The following HMG20A variants were observed in gnomAD, a reference collection of about 807,000 sequenced individuals.
HMG20A encodes high mobility group protein 20A.
In HMG20A, 17 loss-of-function variants were observed where a neutral mutation model predicts 43.9. That is an observed-to-expected ratio of 0.39 (90% CI 0.27 to 0.58). The LOEUF (loss-of-function observed/expected upper bound fraction) is 0.58. Among genes scored for constraint, HMG20A ranks in the 20% least tolerant of loss-of-function variants. HMG20A has a pLI of 0.59. For missense variants in HMG20A, 341 were observed against 438.2 expected, an observed-to-expected ratio of 0.78 and a Z score of 1.98; for synonymous variants, 132 against 147.5, an observed-to-expected ratio of 0.89 and a Z score of 0.76.
chr15:77,490,520 AAAG>A (rs987023485), downstream of HMG20A, among the ~76,000 whole-genome samples: 4 of 152,164 alleles, frequency 2.6e-5, no homozygotes. Context: ...AATGAAAGAA[AAAG>A]AAGAATGACT....
intron 9 of HMG20A, among the ~76,000 whole-genome samples, chr15:77,480,845 A>G (rs1407065801): frequency 2.0e-5 from 3 of 151,752 alleles, no homozygotes; most frequent in Admixed American, 6.6e-5. Flanking sequence ...TTACTATGCC[A>G]TCCCACAAAA....
chr15:77,474,450 A>C lies in HMG20A; in HGVS notation c.615+2636A>C, dbSNP rs545245960. On this transcript the variant is annotated intron_variant, in intron 6 of 9. Transcript: ENST00000336216. ...AGAATCACTTACTGAATTAAATTAGAGGCAGAATTGTGACAGAAACCCAGG... is the reference window on the plus strand; with the variant it reads ...AGAATCACTTACTGAATTAAATTAGCGGCAGAATTGTGACAGAAACCCAGG... Among the ~76,000 whole-genome samples the C allele has an allele frequency of 7.0e-4, 106 of 152,332 alleles. No homozygotes were observed. In the Middle Eastern group the frequency reaches 0.014, roughly 20 times the overall value.
chr15:77,464,887 T>C (rs1435420779), intron 3 of HMG20A: 1 of 152,288 alleles, frequency 6.6e-6, no homozygotes, highest in Non-Finnish European at 1.5e-5. Context: ...ACTGATTACA[T>C]TGTCAGTGTT....
chr15:77,504,309 C>T, the HMG20A span, among the ~76,000 whole-genome samples: 3 of 152,302 alleles, frequency 2.0e-5, no homozygotes, highest in Non-Finnish European at 2.9e-5. Flanking sequence ...ATGAGCAGGG[C>T]GTTCTTCCTT....
Position 77,448,403 on chromosome 15 carries a change from G to A in HMG20A, c.-4-10001G>A, listed in dbSNP as rs140330526. Among the ~76,000 whole-genome samples, 816 of 150,916 alleles carry A rather than the reference G, an allele frequency of 5.4e-3. 19 individuals are homozygous for A. Among genetic ancestry groups the A allele is most frequent in the Admixed American group, 0.039 (584 of 15,138 alleles). ...TTTGCACTAGTTGTTTCCTCTGCTAGGGCCACTCTTTCCCCCACATACATG... is the reference window on the plus strand; with the variant it reads ...TTTGCACTAGTTGTTTCCTCTGCTAAGGCCACTCTTTCCCCCACATACATG... On this transcript the variant is annotated intron_variant, in intron 1 of 9. Transcript: ENST00000336216.
chr15:77,503,713 G>A, the HMG20A span, among the ~76,000 whole-genome samples: 5 of 152,160 alleles, frequency 3.3e-5, no homozygotes, highest in African/African-American at 9.7e-5. Flanking sequence ...GTGCTCCCTC[G>A]GATCGTAATA....
chr15:77,452,177 C>T (rs1459392263), intron 1 of HMG20A, among the ~76,000 whole-genome samples: 1 of 152,116 alleles, frequency 6.6e-6, no homozygotes, highest in Non-Finnish European at 1.5e-5. Context: ...CAAAGTCTGG[C>T]CACAATATTA....
intron 1 of HMG20A, among the ~76,000 whole-genome samples, chr15:77,439,297 T>C (rs2073584815): frequency 6.6e-6 from 1 of 152,188 alleles, no homozygotes; most frequent in Admixed American, 6.5e-5. Flanking sequence ...TTTAAAACTG[T>C]GGTACATACA....
chr15:77,443,556 T>C (rs2073639936), intron 1 of HMG20A, among the ~76,000 whole-genome samples: 1 of 151,014 alleles, frequency 6.6e-6, no homozygotes, highest in African/African-American at 2.4e-5. Context: ...CATGCCTGGC[T>C]AATTTTTGTA....
At chr15:77,489,652 T>C (rs1346059361), downstream of HMG20A, among the ~76,000 whole-genome samples, 2 of 152,124 alleles carry the variant, frequency 1.3e-5, no homozygotes, top group Non-Finnish European at 2.9e-5. Flanking sequence ...AGAAATGATA[T>C]AAGCTAGGAT....
intron 1 of HMG20A, among the ~76,000 whole-genome samples, chr15:77,433,041 A>C (rs554397907): frequency 5.1e-4 from 77 of 152,326 alleles, no homozygotes; most frequent in African/African-American, 1.8e-3. Context: ...ATATCTGAAT[A>C]CTGTTTTTAT....
At chr15:77,518,841 G>A in the HMG20A span, among the ~76,000 whole-genome samples, 1 of 152,178 alleles carries the variant, frequency 6.6e-6, no homozygotes, top group African/African-American at 2.4e-5. Context: ...GTTCCTTTGG[G>A]GGTGCTGTAC....
chr15:77,439,735 CTATGA>C (rs1301234529), intron 1 of HMG20A, among the ~76,000 whole-genome samples: 2 of 152,120 alleles, frequency 1.3e-5, no homozygotes, highest in African/African-American at 4.8e-5. Flanking sequence ...ACTCATTTCT[CTATGA>C]TATATTACTA....
chr15:77,456,664 A>G (rs2072658018), intron 1 of HMG20A, among the ~76,000 whole-genome samples: 1 of 150,316 alleles, frequency 6.7e-6, no homozygotes, highest in African/African-American at 2.4e-5. Flanking sequence ...AAGCCAGTCA[A>G]GTGAGTTCCC....
intron 1 of HMG20A, among the ~76,000 whole-genome samples, chr15:77,443,376 G>GATT (rs1491110236): frequency 0.033 from 3,951 of 121,000 alleles, 87 homozygotes; most frequent in Middle Eastern, 0.093. Flanking sequence ...TGATGATGAT[G>GATT]ATGATTATTA....
At chr15:77,496,048 G>A in the HMG20A span, among the ~76,000 whole-genome samples, 1 of 152,084 alleles carries the variant, frequency 6.6e-6, no homozygotes, top group African/African-American at 2.4e-5. Flanking sequence ...GAAGGGAGCC[G>A]AGCATGGTCT....
At chr15:77,471,986 C>T (rs1034651892) in intron 6 of HMG20A, among the ~76,000 whole-genome samples, 172 bp downstream of exon 6, 1 of 151,828 alleles carries the variant, frequency 6.6e-6, no homozygotes, top group African/African-American at 2.4e-5. Context: ...CAGACACTTA[C>T]GTTGTGTGTC....
the HMG20A span, among the ~76,000 whole-genome samples, chr15:77,516,706 G>A: frequency 6.6e-6 from 1 of 152,176 alleles, no homozygotes; most frequent in African/African-American, 2.4e-5. Flanking sequence ...GCGAAGAGGG[G>A]AAGGCTAAGC....
intron 1 of HMG20A, among the ~76,000 whole-genome samples, chr15:77,441,880 A>G (rs1335918709): frequency 6.6e-6 from 1 of 152,200 alleles, no homozygotes; most frequent in Non-Finnish European, 1.5e-5. Context: ...AAATGCCTCC[A>G]GAGAAGCTTC....
Sources: allele counts gnomAD v4.1 joint callset (sites outside exome capture counted in the v4.1 genomes callset), GRCh38; gene constraint gnomAD v4.1.1; transcripts MANE v1.5; gene names NCBI Gene and HGNC (gene_info 2026-07-23, HGNC 2026-07-21).